The following ENGASE variants were observed in gnomAD, a reference collection of about 807,000 sequenced individuals.
The protein encoded by ENGASE is endo-beta-N-acetylglucosaminidase.
ENGASE carries 69 observed loss-of-function variants against 78.5 expected under a neutral mutation model. The observed-to-expected ratio is 0.88, with a 90% CI of 0.72 to 1.07. ENGASE has a LOEUF of 1.07. ENGASE is among the 50% of genes least tolerant of loss of function. The pLI, the probability that ENGASE is intolerant of heterozygous loss-of-function variation, is 0.00. For missense variants in ENGASE, 943 were observed against 988.4 expected (o/e 0.95, Z 0.62); for synonymous variants, 408 against 408.9 (o/e 1.00, Z 0.03).
chr17:79,076,909 G>C (rs2072981405), intron 1 of ENGASE, among the ~76,000 whole-genome samples: 1 of 152,168 alleles, frequency 6.6e-6, no homozygotes, highest in South Asian at 2.1e-4. Context: ...GTCTCGTTCT[G>C]TTGCCCAAGT....
chr17:79,086,176 C>T lies in ENGASE; in HGVS notation c.2059C>T (p.Leu687=). The part of the protein sequence containing the change: ...ELPRPEMPMF[L]GLAFATQYRI... ...GCCGAGGCCAGAGATGCCCATGTTCCTGGGGTTGGCTTTTGCCACCCAGTA... is the reference window on the plus strand; with the variant it reads ...GCCGAGGCCAGAGATGCCCATGTTCTTGGGGTTGGCTTTTGCCACCCAGTA... The change falls in exon 14 of 14, where the codon CTG becomes TTG. Residue 687 remains leucine, a synonymous_variant. Transcript: ENST00000579016. 6.2e-7 allele frequency: 1 copy of T among 1,613,758 alleles called. No homozygotes were observed. Among genetic ancestry groups the T allele is most frequent in the Non-Finnish European group, 8.5e-7 (1 of 1,180,030 alleles).
At chr17:79,080,393 C>A in intron 5 of ENGASE, 29 bp downstream of exon 5, 1 of 1,606,990 alleles carries the variant, frequency 6.2e-7, no homozygotes, top group Non-Finnish European at 8.5e-7. Flanking sequence ...CCCACCTCCC[C>A]GCCCCTTGCT....
rs753488111 is a variant in ENGASE at position 79,081,986 on chromosome 17, C to T, written c.961C>T (p.Arg321Cys). The T allele has an allele frequency of 1.7e-5, 27 of 1,614,044 alleles. No individual in the cohort carries two copies. The highest frequency in any genetic ancestry group is 1.1e-4 in the East Asian group (5 of 44,890). ...LERMLGQAGE[R>C]RADVYVGVDV... ...GCGGATGCTGGGGCAGGCTGGGGAG[C>T]GCCGGGCTGATGTGTACGTGGGCGT... The change falls in exon 7 of 14, where the codon CGC becomes TGC. Residue 321 changes from arginine (R) to cysteine (C), a missense_variant. Arg to Cys is a radical substitution (Grantham distance 180, BLOSUM62 -3). Transcript: ENST00000579016.
At chr17:79,079,156 A>T (rs2073049501) in intron 3 of ENGASE, among the ~76,000 whole-genome samples, 1 of 151,194 alleles carries the variant, frequency 6.6e-6, no homozygotes, top group Non-Finnish European at 1.5e-5. Context: ...CTGGGACCTG[A>T]CTCTGTTTCT....
rs1004243947 is a variant in ENGASE at position 79,085,074 on chromosome 17, C to A, written c.1592-160C>A. Among the ~76,000 whole-genome samples, 4 of 152,126 alleles carry A rather than the reference C, an allele frequency of 2.6e-5. No homozygotes were observed. The South Asian group carries it at 8.3e-4, about 31-fold the overall frequency. Reference sequence around the variant, plus strand: ...GACCCCAGACACGCATTTCCTTCACCGAGCTCCTCCGGAGTCCTTGCTGGT... The same window carrying A: ...GACCCCAGACACGCATTTCCTTCACAGAGCTCCTCCGGAGTCCTTGCTGGT... On this transcript the variant is annotated intron_variant, in intron 11 of 13. Transcript: ENST00000579016.
At chr17:79,076,744 T>C (rs2145969375) in intron 1 of ENGASE, among the ~76,000 whole-genome samples, 1 of 152,328 alleles carries the variant, frequency 6.6e-6, no homozygotes, top group East Asian at 1.9e-4. Context: ...TCTTAGGACC[T>C]GAAACTTTCT....
Position 79,077,397 on chromosome 17 carries a change from T to G in ENGASE, c.147-33T>G, listed in dbSNP as rs762272524. On this transcript the variant is annotated intron_variant, in intron 1 of 13. Coordinates refer to ENST00000579016, the MANE Select transcript of ENGASE (RefSeq NM_001042573.3). Reference sequence around the variant, plus strand: ...AAGTGTTCTTACCTATTTATGTTTTTATTTATAAATGTACAACTCCCTCTT... The same window carrying G: ...AAGTGTTCTTACCTATTTATGTTTTGATTTATAAATGTACAACTCCCTCTT... 4.4e-6 allele frequency: 7 copies of G among 1,589,082 alleles called. No individual in the cohort carries two copies. In the East Asian group the frequency reaches 1.6e-4, roughly 36 times the overall value.
At chr17:79,079,713 C>T in intron 4 of ENGASE, 76 bp downstream of exon 4, 1 of 1,557,276 alleles carries the variant, frequency 6.4e-7, no homozygotes, top group Non-Finnish European at 8.7e-7. Context: ...GATTAGGAGG[C>T]ACGGGCTTTG....
intron 4 of ENGASE, among the ~76,000 whole-genome samples, chr17:79,079,965 T>G (rs1245754648): frequency 1.3e-5 from 2 of 152,260 alleles, no homozygotes; most frequent in Non-Finnish European, 2.9e-5. Flanking sequence ...GTTTGCCGAT[T>G]CCTGGGTCAG....
Position 79,074,968 on chromosome 17 carries a change from C to T in ENGASE, c.24C>T (p.Val8=). MEAAAVT[V]TRSATRRRRR... Reference sequence around the variant, plus strand: ...TCATGGAGGCCGCGGCGGTGACGGTCACCCGGTCGGCTACACGGCGGCGGC... The same window carrying T: ...TCATGGAGGCCGCGGCGGTGACGGTTACCCGGTCGGCTACACGGCGGCGGC... Residue 8 remains valine, a synonymous_variant, in exon 1 of 14, where the codon GTC becomes GTT. Coordinates refer to ENST00000579016, the MANE Select transcript of ENGASE (RefSeq NM_001042573.3). 1 of 1,249,318 alleles carries T rather than the reference C, an allele frequency of 8.0e-7. No homozygotes were observed. The highest frequency in any genetic ancestry group is 1.0e-6 in the Non-Finnish European group (1 of 997,300). 77.4% of individuals were successfully genotyped at this position (1,249,318 alleles called of 1,614,324 possible). A position where few individuals can be genotyped will look rare whatever the true frequency, so the allele number is the denominator to read the frequency against.
intron 10 of ENGASE, chr17:79,084,216 TCCCCATTGCACATTAGCC>T (rs2073226799): frequency 1.8e-6 from 1 of 544,224 alleles, no homozygotes; most frequent in African/African-American, 2.0e-5. Context: ...GACTGGACTC[TCCCCATTGCACATTAGCC>T]CCCCATCCTC....
chr17:79,086,937 G>A lies in ENGASE; in HGVS notation c.*588G>A, dbSNP rs114684808. On this transcript the variant is annotated 3_prime_UTR_variant, in exon 14 of 14. Coordinates refer to ENST00000579016, the MANE Select transcript of ENGASE (RefSeq NM_001042573.3). ...GAGTGGGCATTCTGGGCCAGCCGGC[G>A]CTGGCTTCGTGCCTCCACGTGGGCC... is the stretch of plus-strand genomic sequence containing the variant. The A allele has an allele frequency of 4.5e-3, 2,136 of 476,808 alleles. 30 individuals are homozygous for A. Among genetic ancestry groups the A allele is most frequent in the African/African-American group, 0.031 (1,580 of 51,036 alleles). 29.5% of individuals were successfully genotyped at this position (476,808 alleles called of 1,614,324 possible).
intron 12 of ENGASE, 121 bp from the exon 13 acceptor site, chr17:79,085,499 C>T: frequency 1.4e-6 from 2 of 1,441,804 alleles, no homozygotes; most frequent in South Asian, 1.3e-5. Flanking sequence ...CTGCTGTCGG[C>T]CTGGGGTCCC....
At chr17:79,084,760 T>C in intron 11 of ENGASE, 74 bp downstream of exon 11, 5 of 1,529,054 alleles carry the variant, frequency 3.3e-6, no homozygotes, top group Non-Finnish European at 3.6e-6. Flanking sequence ...GAGAGGCTCC[T>C]GGGGTGTGGG....
chr17:79,075,079 G>GCGC lies in ENGASE; in HGVS notation c.136_137insGCC (p.Arg45dup). The GCGC allele has an allele frequency of 8.3e-7, 1 of 1,208,282 alleles. No homozygotes were observed. Among genetic ancestry groups the GCGC allele is most frequent in the Non-Finnish European group, 1.0e-6 (1 of 971,818 alleles). The allele number at this position is 1,208,282 out of a possible 1,614,324, so 74.8% of individuals were successfully genotyped here. On this transcript the variant is annotated inframe_insertion, in exon 1 of 14. Transcript: ENST00000579016. ...AGGAGCCGCGGCCGCGGCGGCGGCG[G>GCGC]CCGGGAAGGAGGTGGGGCTGCGGGG...
chr17:79,082,848 A>C, intron 7 of ENGASE, 172 bp from the exon 8 acceptor site: 1 of 1,543,890 alleles, frequency 6.5e-7, no homozygotes. Flanking sequence ...GGCTTGTGGA[A>C]CGACGGGGGT....
intron 5 of ENGASE, 70 bp downstream of exon 5, chr17:79,080,434 C>T: frequency 6.4e-7 from 1 of 1,571,832 alleles, no homozygotes; most frequent in Non-Finnish European, 8.6e-7. Flanking sequence ...CTCTTTCCTG[C>T]CTTGGCCTCA....
chr17:79,085,655 T>A lies in ENGASE; in HGVS notation c.1736T>A (p.Leu579Gln). The A allele has an allele frequency of 6.2e-7, 1 of 1,613,980 alleles. No individual in the cohort carries two copies. The highest frequency in any genetic ancestry group is 8.5e-7 in the Non-Finnish European group (1 of 1,180,002). Residue 579 changes from leucine (L) to glutamine (Q), a missense_variant, in exon 13 of 14, where the codon CTA (leucine) becomes CAA (glutamine). Leu to Gln is a moderately radical substitution (Grantham distance 113). Coordinates refer to ENST00000579016, the MANE Select transcript of ENGASE (RefSeq NM_001042573.3). ...GTGAGCCTGCGTGGGTGCCTGCTGC[T>A]AGACCTCCTCGTTTGCTTCTCACGG... ...YEVSLRGCLLLDLLVCFSRPP... is the reference protein window; with the variant it reads ...YEVSLRGCLLQDLLVCFSRPP...
chr17:79,082,291 T>A (rs2073164608), intron 7 of ENGASE: 3 of 1,473,386 alleles, frequency 2.0e-6, no homozygotes, highest in Non-Finnish European at 9.0e-7. Context: ...TGTATTTTTG[T>A]GTGGGTGTTA....
Sources: allele counts gnomAD v4.1 joint callset (sites outside exome capture counted in the v4.1 genomes callset), GRCh38; gene constraint gnomAD v4.1.1; transcripts MANE v1.5; gene names NCBI Gene and HGNC (gene_info 2026-07-23, HGNC 2026-07-21).